Variants in NRXN1 observed in about 807,000 individuals in gnomAD.
NRXN1 encodes neurexin 1.
NRXN1 carries 39 observed loss-of-function variants against 150.9 expected under a neutral mutation model. That is an observed-to-expected ratio of 0.26 (90% CI 0.20 to 0.34). NRXN1 has a LOEUF of 0.34. Among genes scored for constraint, NRXN1 ranks in the 10% least tolerant of loss-of-function variants. The pLI, the probability that NRXN1 is intolerant of heterozygous loss-of-function variation, is 1.00. For synonymous variants in NRXN1, 924 were observed against 757.0 expected (o/e 1.22, Z -3.62); for missense variants, 1,815 against 1,949.9 (o/e 0.93, Z 1.30).
chr2:50,718,565 G>A (rs559198582), intron 5 of NRXN1, among the ~76,000 whole-genome samples: 3 of 152,266 alleles, frequency 2.0e-5, no homozygotes, highest in African/African-American at 7.2e-5. Flanking sequence ...TTCATATGAT[G>A]ATTTAATTCA....
At chr2:50,111,177 A>T (rs1283854669) in intron 18 of NRXN1, among the ~76,000 whole-genome samples, 2 of 152,218 alleles carry the variant, frequency 1.3e-5, no homozygotes, top group Non-Finnish European at 2.9e-5. Context: ...GAATAGTAAA[A>T]TAACAAAATT....
intron 17 of NRXN1, among the ~76,000 whole-genome samples, chr2:50,447,614 A>C (rs1319623559): frequency 7.0e-6 from 1 of 142,582 alleles, no homozygotes; most frequent in Non-Finnish European, 1.5e-5. Context: ...CTTTGTTTTT[A>C]TTTTTAGAAA....
At chr2:49,988,682 T>C (rs969456052) in intron 21 of NRXN1, among the ~76,000 whole-genome samples, 3 of 150,326 alleles carry the variant, frequency 2.0e-5, no homozygotes, top group African/African-American at 4.9e-5. Context: ...TGAGAATGAA[T>C]TGAATTATCA....
intron 22 of NRXN1, among the ~76,000 whole-genome samples, chr2:49,939,065 C>T (rs150165743): frequency 1.4e-4 from 22 of 152,182 alleles, no homozygotes; most frequent in African/African-American, 4.6e-4. Flanking sequence ...AAAATATGTG[C>T]GTGTGTGTAT....
intron 18 of NRXN1, among the ~76,000 whole-genome samples, chr2:50,221,381 G>C (rs2063875278): frequency 6.6e-6 from 1 of 151,962 alleles, no homozygotes. Flanking sequence ...ACCTGTTAGT[G>C]AATATAATAT....
At chr2:50,927,959 G>T (rs985477568) in intron 2 of NRXN1, among the ~76,000 whole-genome samples, 3 of 151,906 alleles carry the variant, frequency 2.0e-5, no homozygotes, top group Non-Finnish European at 4.4e-5. Context: ...CACTAAGTAG[G>T]GCATTATAAA....
At chr2:50,558,674 C>A (rs140206245) in intron 8 of NRXN1, among the ~76,000 whole-genome samples, 66 of 152,212 alleles carry the variant, frequency 4.3e-4, no homozygotes, top group African/African-American at 1.4e-3. Flanking sequence ...AAAATCTGTG[C>A]GGTTTAAAAA....
chr2:49,967,547 T>C (rs927419313), intron 21 of NRXN1, among the ~76,000 whole-genome samples: 1 of 152,096 alleles, frequency 6.6e-6, no homozygotes, highest in Admixed American at 6.6e-5. Flanking sequence ...TCTTTGAAAA[T>C]GTCCTCCCAT....
intron 18 of NRXN1, among the ~76,000 whole-genome samples, chr2:50,225,640 A>T (rs2064301000): frequency 1.3e-5 from 2 of 151,962 alleles, no homozygotes; most frequent in Non-Finnish European, 1.5e-5. Context: ...GAAAAAGAGA[A>T]GGACAGGTAG....
At chr2:50,408,837 A>ATCTCTCTCTCTCTCTCTCTCTCTCTCTC (rs10522429) in intron 17 of NRXN1, among the ~76,000 whole-genome samples, 35 of 136,642 alleles carry the variant, frequency 2.6e-4, no homozygotes, top group Non-Finnish European at 3.5e-4. Flanking sequence ...ATCAATCTCA[A>ATCTCTCTCTCTCTCTCTCTCTCTCTCTC]TCTCTCTCTC....
chr2:50,469,919 G>A (rs17040688), intron 16 of NRXN1, among the ~76,000 whole-genome samples: 4,448 of 151,178 alleles, frequency 0.029, 182 homozygotes, highest in East Asian at 0.21. Context: ...GATTATGTGG[G>A]TAAACAACAC....
At chr2:50,979,392 G>A (rs149623586) in intron 2 of NRXN1, 2 of 421,846 alleles carry the variant, frequency 4.7e-6, no homozygotes, top group East Asian at 1.2e-4. Flanking sequence ...CAGTTTTCAG[G>A]TATTTCCATC....
chr2:50,735,808 T>A (rs1359828971), intron 5 of NRXN1, among the ~76,000 whole-genome samples: 1 of 152,176 alleles, frequency 6.6e-6, no homozygotes, highest in African/African-American at 2.4e-5. Flanking sequence ...CCACTGTTAT[T>A]GATAGCTCCC....
intron 5 of NRXN1, among the ~76,000 whole-genome samples, chr2:50,711,925 C>T (rs1425236943): frequency 2.0e-5 from 3 of 152,154 alleles, no homozygotes; most frequent in East Asian, 1.9e-4. Context: ...CACCAGACGC[C>T]GGCACCTTGA....
intron 17 of NRXN1, among the ~76,000 whole-genome samples, chr2:50,391,385 T>A (rs190061144): frequency 0.01 from 1,536 of 152,198 alleles, 21 homozygotes; most frequent in African/African-American, 0.035. Context: ...AGCAATATCA[T>A]AAGTTAATGA....
chr2:50,001,990 G>T (rs1250824304), intron 21 of NRXN1, among the ~76,000 whole-genome samples: 1 of 151,942 alleles, frequency 6.6e-6, no homozygotes, highest in African/African-American at 2.4e-5. Flanking sequence ...TCCTATGGCA[G>T]GCAGCCTCTA....
At chr2:50,526,979 A>AAAC (rs1342321024) in intron 12 of NRXN1, among the ~76,000 whole-genome samples, 4 of 152,184 alleles carry the variant, frequency 2.6e-5, no homozygotes, top group Non-Finnish European at 5.9e-5. Flanking sequence ...ATTATACTAT[A>AAAC]AACATACATT....
chr2:50,014,401 T>C (rs892043409), intron 21 of NRXN1, among the ~76,000 whole-genome samples: 2 of 152,148 alleles, frequency 1.3e-5, no homozygotes, highest in African/African-American at 2.4e-5. Flanking sequence ...ATGATGCAAT[T>C]GACATTTAGG....
chr2:50,096,337 A>G lies in NRXN1; in HGVS notation c.3547-4843T>C, dbSNP rs148389783. On this transcript the variant is annotated intron_variant, in intron 18 of 22. Coordinates refer to ENST00000401669, the MANE Select transcript of NRXN1 (RefSeq NM_001330078.2). Reference sequence around the variant, plus strand: ...GTATTTACTATTTAATTCAGAAACTATAGATATTCTTACAACACAACCATC... The same window carrying G: ...GTATTTACTATTTAATTCAGAAACTGTAGATATTCTTACAACACAACCATC... Among the ~76,000 whole-genome samples, 158 of 152,348 alleles carry G rather than the reference A, an allele frequency of 1.0e-3. 1 individual carries two copies. Among genetic ancestry groups the G allele is most frequent in the African/African-American group, 3.6e-3 (149 of 41,588 alleles).
Sources: allele counts gnomAD v4.1 joint callset (sites outside exome capture counted in the v4.1 genomes callset), GRCh38; gene constraint gnomAD v4.1.1; transcripts MANE v1.5; gene names NCBI Gene and HGNC (gene_info 2026-07-23, HGNC 2026-07-21).